SOX5: variants seen among roughly 807,000 people sequenced by gnomAD.
The protein encoded by SOX5 is transcription factor SOX-5.
In SOX5, 9 loss-of-function variants were observed where a neutral mutation model predicts 92.0. The observed-to-expected ratio is 0.10, with a 90% CI of 0.06 to 0.17. The LOEUF (loss-of-function observed/expected upper bound fraction) is 0.17, where lower values mean the gene tolerates loss of function less well. SOX5 is among the 10% of genes least tolerant of loss of function. SOX5 has a pLI of 1.00. For missense variants in SOX5, 642 were observed against 944.5 expected, an observed-to-expected ratio of 0.68 and a Z score of 4.20; for synonymous variants, 344 against 336.3, an observed-to-expected ratio of 1.02 and a Z score of -0.25.
At chr12:23,642,705 C>T (rs1455344876) in intron 7 of SOX5, among the ~76,000 whole-genome samples, 1 of 152,100 alleles carries the variant, frequency 6.6e-6, no homozygotes, top group Non-Finnish European at 1.5e-5. Flanking sequence ...AAATCATGAA[C>T]GTGGAAAACA....
chr12:23,908,351 A>G (rs1430688808), intron 1 of SOX5, among the ~76,000 whole-genome samples: 1 of 152,130 alleles, frequency 6.6e-6, no homozygotes, highest in East Asian at 1.9e-4. Context: ...CTGTCTAAGT[A>G]GTCCAATGAA....
chr12:24,075,142 G>A (rs1302315992), intron 4 of SOX5, among the ~76,000 whole-genome samples: 1 of 151,518 alleles, frequency 6.6e-6, no homozygotes. Context: ...GGTGGTGCTT[G>A]CTTGTAGTTC....
chr12:24,252,893 T>C (rs999181239), intron 3 of SOX5, among the ~76,000 whole-genome samples: 2 of 152,172 alleles, frequency 1.3e-5, no homozygotes, highest in Admixed American at 6.5e-5. Flanking sequence ...TCATTCTGAC[T>C]GGCATCCTCT....
intron 3 of SOX5, among the ~76,000 whole-genome samples, chr12:24,240,005 A>G (rs884442): frequency 0.22 from 33,141 of 152,000 alleles, 3,688 homozygotes; most frequent in African/African-American, 0.28. Context: ...AAATGTATGT[A>G]TCTTTTTACA....
At chr12:23,981,334 T>A (rs915009042) in intron 4 of SOX5, among the ~76,000 whole-genome samples, 5 of 152,158 alleles carry the variant, frequency 3.3e-5, no homozygotes, top group Non-Finnish European at 7.4e-5. Flanking sequence ...AAAATTTCAA[T>A]GAAATGAAAA....
intron 1 of SOX5, among the ~76,000 whole-genome samples, chr12:23,897,923 C>T (rs1330693156): frequency 1.3e-5 from 2 of 152,134 alleles, no homozygotes; most frequent in East Asian, 3.8e-4. Flanking sequence ...TTTCCAATCC[C>T]ATGAACAAGG....
At chr12:23,715,691 C>T (rs761960296) in intron 6 of SOX5, among the ~76,000 whole-genome samples, 17 of 151,780 alleles carry the variant, frequency 1.1e-4, no homozygotes, top group Non-Finnish European at 5.9e-5. Context: ...AAGCAATCAA[C>T]GGCTCCCATA....
chr12:24,370,305 T>C (rs571296073), intron 1 of SOX5, among the ~76,000 whole-genome samples: 1 of 151,960 alleles, frequency 6.6e-6, no homozygotes, highest in African/African-American at 2.4e-5. Context: ...AAACCCCGTC[T>C]CTACTAAAAA....
chr12:24,078,773 T>A (rs1389877665), intron 4 of SOX5, among the ~76,000 whole-genome samples: 2 of 152,064 alleles, frequency 1.3e-5, no homozygotes, highest in African/African-American at 4.8e-5. Flanking sequence ...TGTGTTAATT[T>A]CCAGGAACTA....
chr12:24,184,522 TA>T (rs1464038562), intron 4 of SOX5, among the ~76,000 whole-genome samples: 2 of 152,170 alleles, frequency 1.3e-5, no homozygotes, highest in South Asian at 2.1e-4. Context: ...AACATCATGT[TA>T]CTTTCAAAAT....
intron 4 of SOX5, among the ~76,000 whole-genome samples, chr12:23,971,866 T>G (rs1948378629): frequency 6.6e-6 from 1 of 152,166 alleles, no homozygotes; most frequent in Non-Finnish European, 1.5e-5. Flanking sequence ...ATCACTAAAT[T>G]ACATATTCCT....
rs75689448 is a variant in SOX5 at position 23,548,830 on chromosome 12, T to C, written c.1489-2406A>G. On this transcript the variant is annotated intron_variant, in intron 11 of 14. Coordinates refer to ENST00000451604, the MANE Select transcript of SOX5 (RefSeq NM_006940.6). ...TATGTGGTTAGGTGTCTAGGTAATA[T>C]ATTGAACCACCAAAAGAATGAATGG... Among the ~76,000 whole-genome samples the C allele has an allele frequency of 4.2e-3, 646 of 152,128 alleles. 2 individuals are homozygous for C. The highest frequency in any genetic ancestry group is 0.015 in the African/African-American group (615 of 41,546).
At chr12:24,298,076 A>T (rs1409979222) in intron 2 of SOX5, among the ~76,000 whole-genome samples, 1 of 152,054 alleles carries the variant, frequency 6.6e-6, no homozygotes, top group African/African-American at 2.4e-5. Flanking sequence ...TGGCAGTTTA[A>T]TTTGTTTTAT....
rs1565810685 is a variant in SOX5, at chr12:24,277,497, CATTTAAATATATAAAT to C, written c.-173-201_-173-186del. 1.8e-3 allele frequency among the ~76,000 whole-genome samples: 134 copies of C among 75,704 alleles called. 1 individual carries two copies. Among genetic ancestry groups the C allele is most frequent in the Admixed American group, 9.9e-3 (56 of 5,684 alleles). 49.7% of individuals were successfully genotyped at this position (75,704 alleles called of 152,430 possible). A position where few individuals can be genotyped will look rare whatever the true frequency, so the allele number is the denominator to read the frequency against. ...ATATATAAATATATATGTAAATTTA[CATTTAAATATATAAAT>C]ATATATTTATATGTATATAATTTAT... On this transcript the variant is annotated intron_variant, in intron 2 of 4. Transcript: ENST00000446891.
chr12:23,576,676 T>C (rs1298200691), intron 9 of SOX5, among the ~76,000 whole-genome samples: 3 of 152,140 alleles, frequency 2.0e-5, no homozygotes, highest in African/African-American at 7.2e-5. Context: ...ATCGTTCTCT[T>C]AGGTAATTTC....
At chr12:23,630,677 A>G (rs1252722676) in intron 8 of SOX5, among the ~76,000 whole-genome samples, 2 of 151,966 alleles carry the variant, frequency 1.3e-5, no homozygotes. Flanking sequence ...ATTTCATTTA[A>G]TCCTCAACAA....
intron 6 of SOX5, among the ~76,000 whole-genome samples, chr12:23,667,716 G>GA (rs1316516724): frequency 1.3e-5 from 2 of 152,100 alleles, no homozygotes; most frequent in East Asian, 3.9e-4. Context: ...CTACAAGGTG[G>GA]AAAAAAGGGA....
In SOX5 at chr12:24,008,843, C is replaced by T. The variant is rs1486419691; in HGVS notation, c.-1-112819G>A. Among the ~76,000 whole-genome samples the T allele has an allele frequency of 2.0e-5, 3 of 152,250 alleles. No individual in the cohort carries two copies. In the East Asian group the frequency reaches 5.8e-4, roughly 29 times the overall value. ...TTATACCCCTGTGGACTCACCTCCT[C>T]TTAAGATTGTGTGTTGGCCCTGTGA... On this transcript the variant is annotated intron_variant, in intron 4 of 4. Transcript: ENST00000446891.
At position 23,529,571 on chromosome 12, in the gene SOX5, A is replaced by AAAAAT. The variant is rs772032033; in HGVS notation, c.*4643_*4647dup. ...GTAATACTGAAAAAGGAGAATGCAA[A>AAAAAT]AAAATAAAATAAAATAAACAAAAAA... On this transcript the variant is annotated 3_prime_UTR_variant, in exon 15 of 15. Transcript: ENST00000451604. 1 of 152,166 alleles carries AAAAAT rather than the reference A, an allele frequency of 6.6e-6. No homozygotes were observed. Among genetic ancestry groups the AAAAAT allele is most frequent in the Non-Finnish European group, 1.5e-5 (1 of 68,026 alleles). 9.4% of individuals were successfully genotyped at this position (152,166 alleles called of 1,614,324 possible).
Sources: allele counts gnomAD v4.1 joint callset (sites outside exome capture counted in the v4.1 genomes callset), GRCh38; gene constraint gnomAD v4.1.1; transcripts MANE v1.5; gene names NCBI Gene and HGNC (gene_info 2026-07-23, HGNC 2026-07-21).